Variants in CPNE4 observed in about 807,000 individuals in gnomAD.
CPNE4 encodes copine-4.
Under a neutral mutation model 67.9 loss-of-function variants are expected in CPNE4, and 25 were observed. The observed-to-expected ratio is 0.37, with a 90% CI of 0.27 to 0.51. The LOEUF is 0.51. Ranked by LOEUF, CPNE4 falls within the 20% of genes least tolerant of loss-of-function variation. The probability of loss-of-function intolerance (pLI) is 0.93; values close to 1 mark genes in which losing one functional copy is unlikely to be tolerated. For missense variants in CPNE4, 464 were observed against 690.8 expected, an observed-to-expected ratio of 0.67 and a Z score of 3.68; for synonymous variants, 242 against 244.9, an observed-to-expected ratio of 0.99 and a Z score of 0.11.
chr3:131,844,370 A>G (rs1180917868), intron 2 of CPNE4, among the ~76,000 whole-genome samples: 2 of 151,596 alleles, frequency 1.3e-5, no homozygotes, highest in African/African-American at 2.4e-5. Context: ...AGGTTCAAGC[A>G]ATTCTCCTGC....
chr3:131,797,721 G>A (rs2083956662), intron 2 of CPNE4, among the ~76,000 whole-genome samples: 1 of 152,168 alleles, frequency 6.6e-6, no homozygotes, highest in Non-Finnish European at 1.5e-5. Flanking sequence ...TAAGGTAGAT[G>A]TTCTGAGATA....
intron 15 of CPNE4, chr3:131,537,718 A>G (rs114599729): frequency 0.011 from 1,931 of 171,590 alleles, 48 homozygotes; most frequent in African/African-American, 0.043. Context: ...CTTCCTTTCT[A>G]TCTTGAAATA....
rs189331228 is a variant in CPNE4, at chr3:131,940,826, C to T, written c.-1-35382G>A. ...AGATGGAGATGTCGGTGTCTTTCTT[C>T]TATATATTCAAGCTGACCCTTTTTA... On this transcript the variant is annotated intron_variant, in intron 1 of 15. Coordinates refer to ENST00000429747, the MANE Select transcript of CPNE4 (RefSeq NM_130808.3). Among the ~76,000 whole-genome samples the T allele has an allele frequency of 8.7e-4, 132 of 152,058 alleles. No homozygotes were observed. The Middle Eastern group carries it at 0.01, about 12-fold the overall frequency.
At chr3:131,922,961 G>C (rs1369183481) in intron 1 of CPNE4, among the ~76,000 whole-genome samples, 1 of 152,124 alleles carries the variant, frequency 6.6e-6, no homozygotes, top group East Asian at 1.9e-4. Context: ...AATTATTATA[G>C]ATCAAGACTG....
intron 7 of CPNE4, among the ~76,000 whole-genome samples, chr3:131,602,040 A>G (rs1939236330): frequency 6.6e-6 from 1 of 152,170 alleles, no homozygotes; most frequent in African/African-American, 2.4e-5. Context: ...AGTACACCTA[A>G]GAAGAGTTGT....
intron 2 of CPNE4, among the ~76,000 whole-genome samples, chr3:131,796,911 C>G (rs1235937599): frequency 3.9e-5 from 6 of 152,200 alleles, no homozygotes; most frequent in African/African-American, 1.4e-4. Flanking sequence ...GTTTAACTTT[C>G]TTTGCAAAAG....
chr3:131,777,215 G>T (rs931028191), intron 2 of CPNE4, among the ~76,000 whole-genome samples: 1 of 151,974 alleles, frequency 6.6e-6, no homozygotes, highest in Non-Finnish European at 1.5e-5. Flanking sequence ...GTATTGATTT[G>T]AACCTAACCT....
At chr3:131,776,160 C>T (rs545932005) in intron 2 of CPNE4, among the ~76,000 whole-genome samples, 5 of 152,242 alleles carry the variant, frequency 3.3e-5, no homozygotes, top group South Asian at 2.1e-4. Flanking sequence ...CAACTTCTCA[C>T]GAGTTTTCCA....
chr3:131,950,661 G>T (rs2071695495), intron 1 of CPNE4, among the ~76,000 whole-genome samples: 1 of 152,178 alleles, frequency 6.6e-6, no homozygotes. Context: ...TACAGAATCT[G>T]TGAATAACGA....
rs1483066802 is a variant in CPNE4 at position 131,533,905 on chromosome 3, T to C, written c.*1290A>G. ...TATACAAGTTAAACATTCGTCCTTT[T>C]GGTTCCAGACTGGCCAGCTTATATT... On this transcript the variant is annotated 3_prime_UTR_variant, in exon 16 of 16. Transcript: ENST00000429747. 1.3e-5 allele frequency: 2 copies of C among 152,214 alleles called. No individual in the cohort carries two copies. Among genetic ancestry groups the C allele is most frequent in the African/African-American group, 4.8e-5 (2 of 41,462 alleles). The allele number at this position is 152,214 out of a possible 1,614,324, so 9.4% of individuals were successfully genotyped here.
chr3:131,844,588 C>T (rs2085924221), intron 2 of CPNE4, among the ~76,000 whole-genome samples: 1 of 152,100 alleles, frequency 6.6e-6, no homozygotes, highest in African/African-American at 2.4e-5. Context: ...ATGTTTTCCT[C>T]ACTTCTTTCA....
chr3:131,550,490 C>G (rs1936112006), intron 13 of CPNE4, among the ~76,000 whole-genome samples: 1 of 152,112 alleles, frequency 6.6e-6, no homozygotes, highest in Admixed American at 6.5e-5. Context: ...CTGCCTGGCT[C>G]TAAGCACTGT....
chr3:131,785,307 T>A (rs970460572), intron 2 of CPNE4, among the ~76,000 whole-genome samples: 1 of 152,130 alleles, frequency 6.6e-6, no homozygotes, highest in Non-Finnish European at 1.5e-5. Context: ...ATACAAGCTA[T>A]AGTCCTGCCT....
chr3:131,598,160 G>A (rs1164192570), intron 7 of CPNE4, among the ~76,000 whole-genome samples: 1 of 152,168 alleles, frequency 6.6e-6, no homozygotes, highest in East Asian at 1.9e-4. Flanking sequence ...CTGGGAGCTG[G>A]ACAGCAGGAG....
chr3:131,904,097 C>T (rs1185429057), intron 2 of CPNE4, among the ~76,000 whole-genome samples: 1 of 152,170 alleles, frequency 6.6e-6, no homozygotes, highest in East Asian at 1.9e-4. Flanking sequence ...ATTCACACCA[C>T]TGCCAAAGGA....
Position 131,664,403 on chromosome 3 carries a change from C to T in CPNE4, c.681+5272G>A, listed in dbSNP as rs560617290. 3.9e-5 allele frequency among the ~76,000 whole-genome samples: 6 copies of T among 152,222 alleles called. No homozygotes were observed. The South Asian group carries it at 1.2e-3, about 32-fold the overall frequency. On this transcript the variant is annotated intron_variant, in intron 7 of 15. Transcript: ENST00000429747. ...CATATTTCCTAGAATCTAAGAGGTA[C>T]ATATTTCTGGGAGAGTAATTTATTT...
chr3:131,631,454 C>T lies in CPNE4; in HGVS notation c.681+38221G>A, dbSNP rs560184243. On this transcript the variant is annotated intron_variant, in intron 7 of 15. Coordinates refer to ENST00000429747, the MANE Select transcript of CPNE4 (RefSeq NM_130808.3). ...GGTTTGGGTTTGCACAGTTTCAAACCGAAAAAAGACTTAATAAACAATTCA... is the reference window on the plus strand; with the variant it reads ...GGTTTGGGTTTGCACAGTTTCAAACTGAAAAAAGACTTAATAAACAATTCA... Among the ~76,000 whole-genome samples the T allele has an allele frequency of 1.6e-3, 242 of 151,430 alleles. 1 individual carries two copies. The highest frequency in any genetic ancestry group is 2.8e-3 in the Non-Finnish European group (187 of 67,866).
intron 14 of CPNE4, among the ~76,000 whole-genome samples, chr3:131,544,489 C>A (rs1935704649): frequency 1.3e-5 from 2 of 152,260 alleles, no homozygotes; most frequent in Non-Finnish European, 2.9e-5. Flanking sequence ...ATTAACTAAC[C>A]ACTCACCCCT....
intron 1 of CPNE4, among the ~76,000 whole-genome samples, chr3:131,918,064 C>A (rs1346509212): frequency 6.6e-6 from 1 of 152,154 alleles, no homozygotes; most frequent in Non-Finnish European, 1.5e-5. Context: ...CAAATTTAAT[C>A]CTTTCAAGAG....
Sources: gnomAD v4.1 joint callset for allele counts (sites outside exome capture counted in the v4.1 genomes callset) on GRCh38, gnomAD v4.1.1 for gene constraint, MANE v1.5 for transcripts, NCBI Gene and HGNC (gene_info 2026-07-23, HGNC 2026-07-21) for gene names.